Variants in ATP13A5 observed in about 807,000 individuals in gnomAD.
ATP13A5 encodes the protein ATPase 13A5.
Under a neutral mutation model 150.2 loss-of-function variants are expected in ATP13A5, and 149 were observed. The ratio of observed to expected loss-of-function variants is 0.99; its 90% confidence interval spans 0.87 to 1.14. The LOEUF is 1.14. ATP13A5 is among the 50% of genes most tolerant of loss of function. The pLI is 0.00. For missense variants in ATP13A5, 1,383 were observed against 1,449.3 expected, an observed-to-expected ratio of 0.95 and a Z score of 0.74; for synonymous variants, 497 against 522.2, an observed-to-expected ratio of 0.95 and a Z score of 0.66.
chr3:193,310,494 A>G (rs970118576), intron 21 of ATP13A5, 144 bp downstream of exon 21: 10 of 617,790 alleles, frequency 1.6e-5, no homozygotes, highest in Non-Finnish European at 2.8e-5. Context: ...AATAGTGTAT[A>G]AGTGTTCCCT....
intron 1 of ATP13A5, among the ~76,000 whole-genome samples, chr3:193,374,229 T>C (rs1713552780): frequency 6.6e-6 from 1 of 152,006 alleles, no homozygotes; most frequent in African/African-American, 2.4e-5. Context: ...CGTTCCAGCC[T>C]TCCTATGGAG....
At chr3:193,304,081 C>T (rs1310083426) in intron 23 of ATP13A5, among the ~76,000 whole-genome samples, 1 of 152,050 alleles carries the variant, frequency 6.6e-6, no homozygotes, top group Non-Finnish European at 1.5e-5. Flanking sequence ...CACCATGACA[C>T]AAACCAAGGT....
chr3:193,345,493 T>A (rs1712301363), intron 7 of ATP13A5, among the ~76,000 whole-genome samples: 1 of 152,122 alleles, frequency 6.6e-6, no homozygotes, highest in African/African-American at 2.4e-5. Flanking sequence ...AATAAATTTA[T>A]GGAACAAAGA....
Position 193,324,859 on chromosome 3 carries a change from C to A in ATP13A5, c.1674+5G>T, listed in dbSNP as rs1719414349. ...TCTCATCTTTCCATTAAACTATCAC[C>A]TTACCCAGGCAGTGCCCTCAAACAT... On this transcript the variant is annotated splice_donor_5th_base_variant and intron_variant, in intron 14 of 29. Transcript: ENST00000342358. 6.2e-7 allele frequency: 1 copy of A among 1,612,840 alleles called. No individual in the cohort carries two copies. The highest frequency in any genetic ancestry group is 8.5e-7 in the Non-Finnish European group (1 of 1,179,632).
rs1201722668 is a variant in ATP13A5 at position 193,363,341 on chromosome 3, G to A, written c.279C>T (p.Leu93=). The A allele has an allele frequency of 2.0e-5, 33 of 1,613,480 alleles. No homozygotes were observed. The highest frequency in any genetic ancestry group is 2.8e-5 in the Non-Finnish European group (33 of 1,179,704). The stretch of plus-strand genomic sequence containing the variant: ...CAGGAAACTTCAGTGTGGATAAGTA[G>A]AGGCAGAATACCTTCTTCCTCATAT... ...QRYMRKKVFC[L]YLSTLKFPVS... Residue 93 remains leucine (L), a synonymous_variant, in exon 3 of 30, where the codon CTC becomes CTT. Transcript: ENST00000342358.
chr3:193,355,128 C>T (rs1225136783), intron 5 of ATP13A5, among the ~76,000 whole-genome samples: 1 of 151,870 alleles, frequency 6.6e-6, no homozygotes, highest in Non-Finnish European at 1.5e-5. Flanking sequence ...GACGGGGTTT[C>T]TCCATCTTGG....
chr3:193,331,153 A>G lies in ATP13A5; in HGVS notation c.1431T>C (p.Cys477=), dbSNP rs1181452261. ...CAAAGCACACGAGGTTTATTTGCCC[A>G]CACATGTTGATTCTCTGTGGGGAGA... ...FCISPQRINM[C]GQINLVCFDK... is the part of the protein sequence containing the mutation. Residue 477 remains cysteine, a synonymous_variant, in exon 12 of 30, where the codon TGT becomes TGC. Transcript: ENST00000342358. The G allele has an allele frequency of 6.2e-7, 1 of 1,613,950 alleles. No individual in the cohort carries two copies. The highest frequency in any genetic ancestry group is 8.5e-7 in the Non-Finnish European group (1 of 1,179,900).
intron 13 of ATP13A5, 85 bp from the exon 14 acceptor site, chr3:193,325,099 AC>A (rs1719424174): frequency 7.3e-7 from 1 of 1,361,004 alleles, no homozygotes; most frequent in Non-Finnish European, 1.0e-6. Flanking sequence ...GGAGCTCCAA[AC>A]ACCTAACGTT....
intron 13 of ATP13A5, among the ~76,000 whole-genome samples, chr3:193,326,412 G>A (rs773785714): frequency 8.5e-5 from 13 of 152,096 alleles, no homozygotes; most frequent in African/African-American, 2.2e-4. Context: ...CTAGCCGCAC[G>A]TCCCTCAAAA....
At chr3:193,359,983 A>G (rs6765408) in intron 5 of ATP13A5, among the ~76,000 whole-genome samples, 84,593 of 152,136 alleles carry the variant, frequency 0.56, 23,892 homozygotes, top group African/African-American at 0.65. Context: ...ACTGATAAAT[A>G]ATCTTAATAG....
Position 193,351,219 on chromosome 3 carries a change from G to A in ATP13A5, c.607-18C>T, listed in dbSNP as rs780998240. 1 of 1,613,176 alleles carries A rather than the reference G, an allele frequency of 6.2e-7. No individual in the cohort carries two copies. The highest frequency in any genetic ancestry group is 8.5e-7 in the Non-Finnish European group (1 of 1,179,436). ...TTTAAAACCTGCAGGCACAAAAATG[G>A]CATTTGGGTCACTTGCATGAACCTT... is the stretch of plus-strand genomic sequence containing the variant. On this transcript the variant is annotated intron_variant, in intron 6 of 29. Transcript: ENST00000342358.
In ATP13A5 at chr3:193,363,333, G is replaced by T. The variant is rs12637558; in HGVS notation, c.287C>A (p.Ser96Tyr). Residue 96 changes from serine to tyrosine, a missense_variant, in exon 3 of 30, where the codon TCC becomes TAC. Physicochemically the swap from Ser to Tyr is moderately radical, Grantham distance 144. This residue lies in a region of ATP13A5 where 787 missense variants were observed against 771.9 expected (regional missense o/e 1.02). Coordinates refer to ENST00000342358, the MANE Select transcript of ATP13A5 (RefSeq NM_198505.4). ...MRKKVFCLYL[S>Y]TLKFPVSKKW... ...CTTGCTTACAGGAAACTTCAGTGTGGATAAGTAGAGGCAGAATACCTTCTT... is the reference window on the plus strand; with the variant it reads ...CTTGCTTACAGGAAACTTCAGTGTGTATAAGTAGAGGCAGAATACCTTCTT... The T allele has an allele frequency of 0.43, 694,724 of 1,612,694 alleles. 152,648 individuals carry two copies. The highest frequency in any genetic ancestry group is 0.54 in the East Asian group (24,251 of 44,814).
At chr3:193,343,186 C>G (rs534384094) in intron 9 of ATP13A5, among the ~76,000 whole-genome samples, 1 of 152,236 alleles carries the variant, frequency 6.6e-6, no homozygotes, top group Non-Finnish European at 1.5e-5. Context: ...AGTCTGTAAG[C>G]ATAAAAGACA....
intron 25 of ATP13A5, among the ~76,000 whole-genome samples, chr3:193,293,594 T>C (rs1718051343): frequency 6.6e-6 from 1 of 152,088 alleles, no homozygotes; most frequent in African/African-American, 2.4e-5. Context: ...TCTATTCTTA[T>C]AGTTTTTAAT....
chr3:193,325,819 G>T (rs1424000149), intron 13 of ATP13A5, among the ~76,000 whole-genome samples: 1 of 152,190 alleles, frequency 6.6e-6, no homozygotes, highest in East Asian at 1.9e-4. Flanking sequence ...CAGCTGAATA[G>T]TGATTGTGTC....
At chr3:193,339,150 A>G (rs903341188) in intron 9 of ATP13A5, among the ~76,000 whole-genome samples, 2 of 151,816 alleles carry the variant, frequency 1.3e-5, no homozygotes, top group African/African-American at 4.8e-5. Context: ...TCTTGCTAGC[A>G]GTCTATCAAT....
chr3:193,334,596 C>T (rs764793318), intron 10 of ATP13A5, among the ~76,000 whole-genome samples: 1 of 152,126 alleles, frequency 6.6e-6, no homozygotes, highest in Non-Finnish European at 1.5e-5. Flanking sequence ...TCCTCATAGT[C>T]GTGGTGGCTG....
intron 12 of ATP13A5, among the ~76,000 whole-genome samples, chr3:193,330,592 T>G (rs1335109883): frequency 6.6e-6 from 1 of 152,196 alleles, no homozygotes; most frequent in Admixed American, 6.5e-5. Context: ...AAACGCAGTG[T>G]TCCCCATGTG....
chr3:193,279,527 CAATT>C, intron 27 of ATP13A5, 73 bp from the exon 28 acceptor site: 1 of 1,208,912 alleles, frequency 8.3e-7, no homozygotes, highest in Non-Finnish European at 1.2e-6. Flanking sequence ...ATTGCAGAAT[CAATT>C]ATCTCTGTTG....
Sources: allele counts gnomAD v4.1 joint callset (sites outside exome capture counted in the v4.1 genomes callset), GRCh38; gene constraint gnomAD v4.1.1; regional missense constraint gnomAD v4.1.1; transcripts MANE v1.5; gene names NCBI Gene and HGNC (gene_info 2026-07-23, HGNC 2026-07-21).